The following GALNT14 variants were observed in gnomAD, a reference collection of about 807,000 sequenced individuals.
GALNT14 encodes the protein polypeptide N-acetylgalactosaminyltransferase 14, also known as UDP-GalNAc:polypeptide N-acetylgalactosaminyltransferase 14.
GALNT14 carries 60 observed loss-of-function variants against 77.5 expected under a neutral mutation model. The ratio of observed to expected loss-of-function variants is 0.77; its 90% confidence interval spans 0.63 to 0.96. GALNT14 has a LOEUF of 0.96. Ranked by LOEUF, GALNT14 falls within the 40% of genes least tolerant of loss-of-function variation. The probability of loss-of-function intolerance (pLI) is 0.00; values close to 1 mark genes in which losing one functional copy is unlikely to be tolerated. For synonymous variants in GALNT14, 280 were observed against 281.7 expected, an observed-to-expected ratio of 0.99 and a Z score of 0.06; for missense variants, 710 against 731.0, an observed-to-expected ratio of 0.97 and a Z score of 0.33.
At chr2:30,890,193 ATGATT>A in the GALNT14 span, among the ~76,000 whole-genome samples, 1 of 152,158 alleles carries the variant, frequency 6.6e-6, no homozygotes, top group Admixed American at 6.5e-5. Flanking sequence ...GACCCACAGG[ATGATT>A]TGATTTGAGT....
At chr2:30,931,862 G>A (rs182531926) in intron 10 of GALNT14, among the ~76,000 whole-genome samples, 3 of 152,064 alleles carry the variant, frequency 2.0e-5, no homozygotes, top group Non-Finnish European at 2.9e-5. Context: ...AAGCATTAGG[G>A]AAGCCTCAGG....
chr2:30,910,348 C>G (rs554469174), downstream of GALNT14: 35 of 152,384 alleles, frequency 2.3e-4, no homozygotes, highest in African/African-American at 8.4e-4. Flanking sequence ...GGGCACAGGT[C>G]TCCCATCTCC....
At chr2:30,926,613 C>T (rs923736760) in intron 11 of GALNT14, among the ~76,000 whole-genome samples, 6 of 152,122 alleles carry the variant, frequency 3.9e-5, no homozygotes, top group South Asian at 2.1e-4. Flanking sequence ...ACGGACCCTC[C>T]GGCAAGACCA....
intron 2 of GALNT14, among the ~76,000 whole-genome samples, chr2:30,980,963 CTCAGGAGGCTGAG>C (rs1314592493): frequency 1.3e-5 from 2 of 152,206 alleles, no homozygotes; most frequent in African/African-American, 4.8e-5. Context: ...ATCCAAGCTA[CTCAGGAGGCTGAG>C]GCAGGAGAAC....
the GALNT14 span, among the ~76,000 whole-genome samples, chr2:30,893,846 A>C: frequency 1.3e-5 from 2 of 151,988 alleles, no homozygotes; most frequent in Non-Finnish European, 2.9e-5. Flanking sequence ...AGTGGGTTGA[A>C]TATCCTTTTA....
At chr2:31,054,394 T>A (rs1204629530) in intron 1 of GALNT14, among the ~76,000 whole-genome samples, 2 of 152,210 alleles carry the variant, frequency 1.3e-5, no homozygotes, top group Non-Finnish European at 2.9e-5. Context: ...CTGCCTGATC[T>A]AAAGTGGCCT....
At position 30,916,205 on chromosome 2, in the gene GALNT14, T is replaced by A. The variant is rs535589307; in HGVS notation, c.1381-3863A>T. On this transcript the variant is annotated intron_variant, in intron 13 of 14. Transcript: ENST00000349752. The stretch of plus-strand genomic sequence containing the variant: ...GAAGTTAATCACTTATGTCTTTAGA[T>A]GAATGCACACTCACACGTAGACAAA... 3.3e-5 allele frequency among the ~76,000 whole-genome samples: 5 copies of A among 152,356 alleles called. No homozygotes were observed. The South Asian group carries it at 8.3e-4, about 25-fold the overall frequency.
the GALNT14 span, among the ~76,000 whole-genome samples, chr2:30,896,090 C>T: frequency 1.3e-5 from 2 of 152,248 alleles, no homozygotes; most frequent in Non-Finnish European, 2.9e-5. Flanking sequence ...GAATACTGCT[C>T]GCAGTAAATA....
chr2:30,945,933 T>C, intron 6 of GALNT14, 63 bp from the exon 7 acceptor site: 1 of 1,400,640 alleles, frequency 7.1e-7, no homozygotes, highest in Non-Finnish European at 1.0e-6. Flanking sequence ...TCAGGGAGCT[T>C]GGGATGGCCT....
At chr2:30,942,752 G>C (rs554826766) in intron 8 of GALNT14, among the ~76,000 whole-genome samples, 1 of 152,298 alleles carries the variant, frequency 6.6e-6, no homozygotes, top group South Asian at 2.1e-4. Flanking sequence ...GGCGGCACTT[G>C]GTAGCAGCAC....
At chr2:30,947,906 A>G (rs1331424986) in intron 6 of GALNT14, among the ~76,000 whole-genome samples, 1 of 152,148 alleles carries the variant, frequency 6.6e-6, no homozygotes, top group Non-Finnish European at 1.5e-5. Context: ...AGAAATGCTC[A>G]TTTTCAATGC....
the GALNT14 span, among the ~76,000 whole-genome samples, chr2:30,890,801 G>C: frequency 6.6e-6 from 1 of 152,142 alleles, no homozygotes; most frequent in South Asian, 2.1e-4. Context: ...CGCTGGACCT[G>C]GAGGCATCAG....
chr2:31,065,734 G>A (rs148839006), intron 1 of GALNT14, among the ~76,000 whole-genome samples: 164 of 152,292 alleles, frequency 1.1e-3, no homozygotes, highest in African/African-American at 3.8e-3. Context: ...ATCGTGCTGG[G>A]GAGCCTCTGA....
chr2:31,117,362 G>A (rs60920964), intron 1 of GALNT14, among the ~76,000 whole-genome samples: 21,090 of 152,136 alleles, frequency 0.14, 2,148 homozygotes, highest in African/African-American at 0.29. Flanking sequence ...AGCAAAGGCT[G>A]GCTGCATGCA....
intron 1 of GALNT14, among the ~76,000 whole-genome samples, chr2:31,004,876 G>A (rs1670574152): frequency 6.6e-6 from 1 of 152,208 alleles, no homozygotes; most frequent in Admixed American, 6.5e-5. Flanking sequence ...ACAGGGAAAA[G>A]CAATTTTCAA....
intron 1 of GALNT14, among the ~76,000 whole-genome samples, chr2:31,105,030 T>TA (rs1300783135): frequency 6.6e-6 from 1 of 152,228 alleles, no homozygotes; most frequent in Non-Finnish European, 1.5e-5. Flanking sequence ...TTACCACAGT[T>TA]ACGGTGACCA....
chr2:31,097,983 C>T (rs1042533313), intron 1 of GALNT14, among the ~76,000 whole-genome samples: 1 of 152,134 alleles, frequency 6.6e-6, no homozygotes, highest in African/African-American at 2.4e-5. Flanking sequence ...TGTTCCACCT[C>T]CACCATTTTG....
chr2:31,002,219 C>T (rs961899474), intron 1 of GALNT14, among the ~76,000 whole-genome samples: 2 of 152,024 alleles, frequency 1.3e-5, no homozygotes, highest in Non-Finnish European at 2.9e-5. Context: ...TACTTGAGGT[C>T]GGGAGTTTGA....
chr2:31,063,871 G>A (rs72854861), intron 1 of GALNT14, among the ~76,000 whole-genome samples: 5,829 of 152,152 alleles, frequency 0.038, 210 homozygotes, highest in African/African-American at 0.096. Flanking sequence ...TCTATTATTC[G>A]TGTAAGTTTC....
Sources: gnomAD v4.1 joint callset for allele counts (sites outside exome capture counted in the v4.1 genomes callset) on GRCh38, gnomAD v4.1.1 for gene constraint, MANE v1.5 for transcripts, NCBI Gene and HGNC (gene_info 2026-07-23, HGNC 2026-07-21) for gene names.